Variants in ZFHX3 observed in about 807,000 individuals in gnomAD.
The protein encoded by ZFHX3 is zinc finger homeobox 3, also known as zinc finger homeobox protein 3.
ZFHX3 carries 42 observed loss-of-function variants against 279.1 expected under a neutral mutation model. The ratio of observed to expected loss-of-function variants is 0.15; its 90% confidence interval spans 0.12 to 0.19. ZFHX3 has a LOEUF of 0.19. Among genes scored for constraint, ZFHX3 ranks in the 10% least tolerant of loss-of-function variants. The pLI is 1.00. For synonymous variants in ZFHX3, 2,293 were observed against 1,957.8 expected (o/e 1.17, Z -4.52); for missense variants, 4,981 against 4,754.0 (o/e 1.05, Z -1.40).
At chr16:73,613,896 T>C (rs2052273071) in intron 2 of ZFHX3, among the ~76,000 whole-genome samples, 1 of 152,204 alleles carries the variant, frequency 6.6e-6, no homozygotes, top group Non-Finnish European at 1.5e-5. Context: ...ACCAATGTCC[T>C]ACTAACACCA....
chr16:72,928,718 C>CT (rs1959625785), intron 3 of ZFHX3, among the ~76,000 whole-genome samples: 1 of 152,236 alleles, frequency 6.6e-6, no homozygotes, highest in African/African-American at 2.4e-5. Flanking sequence ...TGGCTCAGGC[C>CT]TGTAATCCCA....
intron 1 of ZFHX3, among the ~76,000 whole-genome samples, chr16:73,684,332 GTGTT>G (rs1232027033): frequency 2.7e-5 from 4 of 149,300 alleles, no homozygotes; most frequent in South Asian, 2.1e-4. Flanking sequence ...GCATGTGTGT[GTGTT>G]TGTGTGTGTG....
chr16:73,575,061 A>G (rs1476032832), intron 2 of ZFHX3, among the ~76,000 whole-genome samples: 4 of 152,190 alleles, frequency 2.6e-5, no homozygotes, highest in Non-Finnish European at 5.9e-5. Flanking sequence ...ATTAGTTTTT[A>G]AAAACTAAGC....
Position 72,797,474 on chromosome 16 carries a change from T to TTGTTGTTGTTGTTGTTGCTGTTGC in ZFHX3, c.5207_5208insGCAACAGCAACAACAACAACAACA (p.Gln1734_Gln1741dup). The TTGTTGTTGTTGTTGTTGCTGTTGC allele has an allele frequency of 6.2e-7, 1 of 1,613,264 alleles. No homozygotes were observed. Among genetic ancestry groups the TTGTTGTTGTTGTTGTTGCTGTTGC allele is most frequent in the East Asian group, 2.2e-5 (1 of 44,850 alleles). ...GCGTTTGTGCTTGTTGTTGTTGTTG[T>TTGTTGTTGTTGTTGTTGCTGTTGC]TGTTGTTGTTGTTGCTGTTGCTGCT... On this transcript the variant is annotated inframe_insertion, in exon 9 of 10. Coordinates refer to ENST00000268489, the MANE Select transcript of ZFHX3 (RefSeq NM_006885.4).
chr16:73,182,805 T>A (rs1299980693), intron 5 of ZFHX3, among the ~76,000 whole-genome samples: 1 of 149,250 alleles, frequency 6.7e-6, no homozygotes, highest in African/African-American at 2.5e-5. Flanking sequence ...CAATACTGCA[T>A]GCTCTCACTT....
chr16:73,575,354 T>C (rs940718638), intron 2 of ZFHX3, among the ~76,000 whole-genome samples: 2 of 152,186 alleles, frequency 1.3e-5, no homozygotes, highest in Non-Finnish European at 2.9e-5. Context: ...CCTTTCACAA[T>C]CTCCCTGTTC....
At chr16:73,864,173 A>T (rs1961952935) in intron 1 of ZFHX3, among the ~76,000 whole-genome samples, 2 of 152,200 alleles carry the variant, frequency 1.3e-5, no homozygotes, top group Admixed American at 1.3e-4. Flanking sequence ...ATGAATTTAC[A>T]CATAACTTAT....
chr16:72,952,603 C>T (rs568155595), intron 2 of ZFHX3, among the ~76,000 whole-genome samples: 1 of 152,290 alleles, frequency 6.6e-6, no homozygotes, highest in South Asian at 2.1e-4. Flanking sequence ...GGGACTGCTG[C>T]ACGTTCAGGA....
Position 72,794,212 on chromosome 16 carries a change from T to C in ZFHX3, c.8470A>G (p.Asn2824Asp), listed in dbSNP as rs2035817100. 1 of 1,614,174 alleles carries C rather than the reference T, an allele frequency of 6.2e-7. No homozygotes were observed. Among genetic ancestry groups the C allele is most frequent in the Non-Finnish European group, 8.5e-7 (1 of 1,180,048 alleles). Residue 2824 changes from asparagine to aspartate, a missense_variant, in exon 9 of 10, where the codon AAC becomes GAC. By Grantham distance (23) the Asn-to-Asp change is conservative. Transcript: ENST00000268489. This position sits in a 1 kb window ranked among gnomAD's most constrained non-coding sequence, Gnocchi z 4.2. ...TTGTCCAGCTTAGTTTGGTCAAAGT[T>C]TAGATTAACTGAGGACATGGAGGGG... Reference protein sequence around the residue: ...ESPSMSSVNLNFDQTKLDNDD... With the variant: ...ESPSMSSVNLDFDQTKLDNDD...
intron 1 of ZFHX3, among the ~76,000 whole-genome samples, chr16:73,807,184 A>G (rs1354169263): frequency 2.6e-5 from 4 of 152,164 alleles, no homozygotes; most frequent in African/African-American, 9.7e-5. Context: ...CTCTATTATC[A>G]TAGAAGTTAC....
Position 73,560,700 on chromosome 16 carries a change from C to G in ZFHX3, c.-1546-104442G>C, listed in dbSNP as rs115483735. ...ATCAATAAATAGCACGTGGACTACACGAGTACTATCTGTGATTTAAAGATA... is the reference window on the plus strand; with the variant it reads ...ATCAATAAATAGCACGTGGACTACAGGAGTACTATCTGTGATTTAAAGATA... On this transcript the variant is annotated intron_variant, in intron 2 of 17. Coordinates refer to the ZFHX3 transcript ENST00000641206. Among the ~76,000 whole-genome samples, 844 of 152,274 alleles carry G rather than the reference C, an allele frequency of 5.5e-3. 7 individuals carry two copies. Among genetic ancestry groups the G allele is most frequent in the African/African-American group, 0.02 (813 of 41,540 alleles).
At chr16:73,070,331 C>T (rs1965806766) in intron 8 of ZFHX3, among the ~76,000 whole-genome samples, 1 of 152,096 alleles carries the variant, frequency 6.6e-6, no homozygotes, top group Admixed American at 6.5e-5. Context: ...CATCTGAGCC[C>T]CTTCCAAAGA....
intron 3 of ZFHX3, among the ~76,000 whole-genome samples, chr16:72,927,129 T>TC (rs1030648316): frequency 6.6e-6 from 1 of 151,936 alleles, no homozygotes; most frequent in African/African-American, 2.4e-5. Context: ...CCTTCAGGTC[T>TC]CCACTCCTTC....
intron 4 of ZFHX3, among the ~76,000 whole-genome samples, chr16:72,840,009 CAT>C (rs770878741): frequency 1.4e-4 from 21 of 152,080 alleles, no homozygotes; most frequent in Non-Finnish European, 2.4e-4. Flanking sequence ...GATAAACACA[CAT>C]GAGTGATAGA....
intron 2 of ZFHX3, among the ~76,000 whole-genome samples, chr16:73,647,713 T>G (rs2052633383): frequency 6.6e-6 from 1 of 151,856 alleles, no homozygotes; most frequent in Admixed American, 6.6e-5. Context: ...TTTTCCAGTT[T>G]AGAGTCAAGA....
intron 5 of ZFHX3, among the ~76,000 whole-genome samples, chr16:73,158,240 G>A (rs979770938): frequency 2.0e-5 from 3 of 152,242 alleles, no homozygotes; most frequent in South Asian, 2.1e-4. Context: ...TGAGTACCTC[G>A]CTACAGTGTT....
chr16:73,223,299 GA>G (rs1411828356), intron 5 of ZFHX3, among the ~76,000 whole-genome samples: 1 of 152,136 alleles, frequency 6.6e-6, no homozygotes, highest in Non-Finnish European at 1.5e-5. Flanking sequence ...CAGACTAGGA[GA>G]AAATATTTGC....
At chr16:72,915,367 C>G (rs2039418113) in intron 3 of ZFHX3, among the ~76,000 whole-genome samples, 1 of 152,212 alleles carries the variant, frequency 6.6e-6, no homozygotes, top group Non-Finnish European at 1.5e-5. Flanking sequence ...CAGAACACAT[C>G]AAACAGAAGG....
At chr16:73,835,392 C>CCCTTTCCCCA (rs976771667) in intron 1 of ZFHX3, among the ~76,000 whole-genome samples, 1 of 151,230 alleles carries the variant, frequency 6.6e-6, no homozygotes, top group Non-Finnish European at 1.5e-5. Context: ...CTCTTCTTTC[C>CCCTTTCCCCA]CCTTTCCCCA....
Sources: allele counts gnomAD v4.1 joint callset (sites outside exome capture counted in the v4.1 genomes callset), GRCh38; gene constraint gnomAD v4.1.1; non-coding constraint Gnocchi (gnomAD v3.1); transcripts MANE v1.5; gene names NCBI Gene and HGNC (gene_info 2026-07-23, HGNC 2026-07-21).